Variants in TOX observed in about 807,000 individuals in gnomAD.
TOX encodes the protein thymocyte selection-associated high mobility group box protein TOX.
In TOX, 11 loss-of-function variants were observed where a neutral mutation model predicts 53.7. The observed-to-expected ratio is 0.20, with a 90% CI of 0.13 to 0.34. The LOEUF (loss-of-function observed/expected upper bound fraction) is 0.34, where lower values mean the gene tolerates loss of function less well. Ranked by LOEUF, TOX falls within the 10% of genes least tolerant of loss-of-function variation. TOX has a pLI of 1.00. For synonymous variants in TOX, 225 were observed against 245.3 expected (o/e 0.92, Z 0.77); for missense variants, 570 against 664.6 (o/e 0.86, Z 1.56).
chr8:58,949,282 A>G (rs554680240), intron 2 of TOX, among the ~76,000 whole-genome samples: 1 of 152,338 alleles, frequency 6.6e-6, no homozygotes, highest in African/African-American at 2.4e-5. Context: ...AAATATTATC[A>G]ACATTAGTGT....
chr8:59,058,107 GA>G (rs1208541229), intron 1 of TOX, among the ~76,000 whole-genome samples: 9 of 152,264 alleles, frequency 5.9e-5, no homozygotes, highest in Non-Finnish European at 1.3e-4. Context: ...AAAGCTTAAA[GA>G]AAAAAATGAT....
At chr8:59,044,230 CAA>C (rs78904701) in intron 1 of TOX, among the ~76,000 whole-genome samples, 61 of 114,008 alleles carry the variant, frequency 5.4e-4, no homozygotes, top group Middle Eastern at 4.7e-3. Flanking sequence ...TGGCACTCAT[CAA>C]AAAAAAAAAA....
intron 1 of TOX, among the ~76,000 whole-genome samples, chr8:59,056,572 G>A (rs1803892693): frequency 6.6e-6 from 1 of 151,856 alleles, no homozygotes; most frequent in Non-Finnish European, 1.5e-5. Flanking sequence ...TCTTTACAGT[G>A]TCCCTAGGAC....
intron 3 of TOX, among the ~76,000 whole-genome samples, chr8:58,937,003 G>A (rs1182593238): frequency 2.0e-5 from 3 of 152,180 alleles, no homozygotes; most frequent in East Asian, 3.8e-4. Context: ...GAGCTCCATC[G>A]TCACACCACA....
At chr8:58,930,540 T>C (rs16924250) in intron 3 of TOX, among the ~76,000 whole-genome samples, 1,984 of 152,260 alleles carry the variant, frequency 0.013, 58 homozygotes, top group African/African-American at 0.046. Flanking sequence ...AAGCAATTCT[T>C]GACACATGAA....
At chr8:59,065,119 C>A (rs371622674) in intron 1 of TOX, among the ~76,000 whole-genome samples, 2 of 152,254 alleles carry the variant, frequency 1.3e-5, no homozygotes, top group South Asian at 4.1e-4. Flanking sequence ...AATAGTAACT[C>A]CTTTCATACT....
chr8:58,894,120 G>A (rs1007739484), intron 3 of TOX, among the ~76,000 whole-genome samples: 2 of 152,132 alleles, frequency 1.3e-5, no homozygotes, highest in Admixed American at 6.5e-5. Flanking sequence ...AATTGCACTC[G>A]TGTGCTTTGA....
intron 3 of TOX, among the ~76,000 whole-genome samples, chr8:58,924,670 C>T (rs1340823988): frequency 1.3e-5 from 2 of 152,190 alleles, no homozygotes; most frequent in African/African-American, 4.8e-5. Context: ...ATAAAGTTGT[C>T]ATCAAGGTGC....
In TOX at chr8:59,104,026, T is replaced by A. The variant is rs186275106; in HGVS notation, c.102+14860A>T. 5.3e-4 allele frequency among the ~76,000 whole-genome samples: 80 copies of A among 152,328 alleles called. No homozygotes were observed. The East Asian group carries it at 0.01, about 20-fold the overall frequency. On this transcript the variant is annotated intron_variant, in intron 1 of 8. Transcript: ENST00000361421. The stretch of plus-strand genomic sequence containing the variant: ...ACATAACTCCAACTTTTGGCTAAAG[T>A]ATAAAACCTCTAAAAGGTTATCTTT...
intron 3 of TOX, among the ~76,000 whole-genome samples, chr8:58,852,745 A>T (rs1424603320): frequency 3.3e-5 from 5 of 152,214 alleles, no homozygotes; most frequent in African/African-American, 1.2e-4. Context: ...TGAGGAATTC[A>T]GGCAGGTAGA....
intron 3 of TOX, among the ~76,000 whole-genome samples, chr8:58,882,958 T>G (rs1054820373): frequency 1.3e-5 from 2 of 152,240 alleles, no homozygotes; most frequent in Non-Finnish European, 2.9e-5. Context: ...AGAAGAACAA[T>G]GTCTCGCTTG....
chr8:58,815,236 C>T, intron 7 of TOX, 102 bp downstream of exon 7: 1 of 1,418,742 alleles, frequency 7.0e-7, no homozygotes, highest in Non-Finnish European at 9.4e-7. Context: ...GGATAGAAAA[C>T]ACATATCCCC....
chr8:59,073,316 G>A lies in TOX; in HGVS notation c.102+45570C>T, dbSNP rs1283287536. 5.3e-5 allele frequency among the ~76,000 whole-genome samples: 8 copies of A among 152,186 alleles called. No individual in the cohort carries two copies. In the South Asian group the frequency reaches 1.5e-3, roughly 28 times the overall value. On this transcript the variant is annotated intron_variant, in intron 1 of 8. Coordinates refer to ENST00000361421, the MANE Select transcript of TOX (RefSeq NM_014729.3). ...AATTTGTTCAGATTCCATAACCATTGTAACTTATGCATTTTGTTAAACATC... is the reference window on the plus strand; with the variant it reads ...AATTTGTTCAGATTCCATAACCATTATAACTTATGCATTTTGTTAAACATC...
chr8:58,827,479 G>T (rs1054251191), intron 5 of TOX, among the ~76,000 whole-genome samples: 11 of 152,160 alleles, frequency 7.2e-5, no homozygotes, highest in African/African-American at 2.7e-4. Context: ...GACACGTTTG[G>T]GAGAGGAATG....
intron 3 of TOX, among the ~76,000 whole-genome samples, chr8:58,896,996 T>G (rs887920832): frequency 6.6e-6 from 1 of 152,268 alleles, no homozygotes; most frequent in Non-Finnish European, 1.5e-5. Flanking sequence ...TACATTTTTC[T>G]TCCTAGACTA....
intron 7 of TOX, among the ~76,000 whole-genome samples, chr8:58,811,447 T>C (rs2129163897): frequency 6.6e-6 from 1 of 152,326 alleles, no homozygotes; most frequent in East Asian, 1.9e-4. Context: ...GCAGTTTTGT[T>C]GTGCCACCAG....
intron 1 of TOX, among the ~76,000 whole-genome samples, chr8:58,964,632 A>C (rs1366480091): frequency 6.6e-6 from 1 of 152,198 alleles, no homozygotes; most frequent in Non-Finnish European, 1.5e-5. Context: ...TGAGGCCTGA[A>C]ACCATCATAT....
chr8:59,058,153 G>A (rs1803915863), intron 1 of TOX, among the ~76,000 whole-genome samples: 1 of 152,170 alleles, frequency 6.6e-6, no homozygotes, highest in Non-Finnish European at 1.5e-5. Context: ...TTTCAGATGA[G>A]TTCTCCCCAT....
intron 1 of TOX, among the ~76,000 whole-genome samples, chr8:58,974,196 G>A (rs1813052728): frequency 6.6e-6 from 1 of 152,150 alleles, no homozygotes; most frequent in South Asian, 2.1e-4. Flanking sequence ...TATGACTGAC[G>A]GATGCTTCTG....
Sources: gnomAD v4.1 joint callset for allele counts (sites outside exome capture counted in the v4.1 genomes callset) on GRCh38, gnomAD v4.1.1 for gene constraint, MANE v1.5 for transcripts, NCBI Gene and HGNC (gene_info 2026-07-23, HGNC 2026-07-21) for gene names.